Variants in MPZL1 observed in about 807,000 individuals in gnomAD.
MPZL1 encodes the protein myelin protein zero like 1, also known as myelin protein zero-like protein 1.
In MPZL1, 16 loss-of-function variants were observed where a neutral mutation model predicts 29.3. That is an observed-to-expected ratio of 0.55 (90% confidence interval 0.37 to 0.83). MPZL1 has a LOEUF of 0.83. MPZL1 is among the 40% of genes least tolerant of loss of function. MPZL1 has a pLI of 0.00. For synonymous variants in MPZL1, 143 were observed against 132.0 expected (o/e 1.08, Z -0.57); for missense variants, 279 against 332.9 (o/e 0.84, Z 1.26).
intron 1 of MPZL1, among the ~76,000 whole-genome samples, chr1:167,724,111 A>T (rs914685068): frequency 6.6e-5 from 10 of 152,136 alleles, no homozygotes; most frequent in African/African-American, 2.4e-4. Flanking sequence ...ACATTGGTAA[A>T]GATGTACTGT....
intron 2 of MPZL1, among the ~76,000 whole-genome samples, chr1:167,771,757 T>G (rs920433009): frequency 1.3e-5 from 2 of 152,076 alleles, no homozygotes; most frequent in Non-Finnish European, 1.5e-5. Context: ...CTTAGTACTT[T>G]GGGAGACCAA....
chr1:167,747,472 G>C (rs1660669980), intron 1 of MPZL1, among the ~76,000 whole-genome samples: 1 of 152,126 alleles, frequency 6.6e-6, no homozygotes, highest in South Asian at 2.1e-4. Flanking sequence ...TGATCCTCCT[G>C]CCTCAGCCTC....
At chr1:167,764,258 T>C (rs1320879751) in intron 1 of MPZL1, among the ~76,000 whole-genome samples, 1 of 152,234 alleles carries the variant, frequency 6.6e-6, no homozygotes, top group African/African-American at 2.4e-5. Flanking sequence ...TTAGCAATCT[T>C]TAAGAATTTG....
intron 1 of MPZL1, among the ~76,000 whole-genome samples, chr1:167,740,360 C>T (rs181516062): frequency 1.6e-4 from 24 of 152,320 alleles, no homozygotes; most frequent in South Asian, 1.0e-3. Context: ...GCTGCCTCTG[C>T]CACTCCATTG....
chr1:167,767,854 ATTTTGTTTTGTTTTG>A (rs61669633), intron 2 of MPZL1, among the ~76,000 whole-genome samples: 2,472 of 117,106 alleles, frequency 0.021, 33 homozygotes, highest in African/African-American at 0.029. Context: ...TTTTGTAATC[ATTTTGTTTTGTTTTG>A]TTTTGTTTTG....
intron 1 of MPZL1, among the ~76,000 whole-genome samples, chr1:167,733,103 GT>G (rs1279410877): frequency 6.6e-6 from 1 of 152,170 alleles, no homozygotes; most frequent in African/African-American, 2.4e-5. Flanking sequence ...GAACTTTTCT[GT>G]TTATATAGAT....
rs145740028 is a variant in MPZL1, at chr1:167,769,422, G to A, written c.259-2853G>A. Among the ~76,000 whole-genome samples, 745 of 152,336 alleles carry A rather than the reference G, an allele frequency of 4.9e-3. 9 individuals are homozygous for A. Among genetic ancestry groups the A allele is most frequent in the Middle Eastern group, 0.017 (5 of 294 alleles). ...CTTGTAAGAGAATAGTGTTCCCTGA[G>A]CTTGGGGTTCCTCGGCTGTGATGCA... On this transcript the variant is annotated intron_variant, in intron 2 of 5. Coordinates refer to ENST00000359523, the MANE Select transcript of MPZL1 (RefSeq NM_003953.6).
chr1:167,731,384 C>G (rs1490420652), intron 1 of MPZL1, among the ~76,000 whole-genome samples: 4 of 151,440 alleles, frequency 2.6e-5, no homozygotes, highest in African/African-American at 9.7e-5. Flanking sequence ...TTGCAGTAAG[C>G]CGAGATTGTG....
intron 1 of MPZL1, among the ~76,000 whole-genome samples, chr1:167,748,431 T>G (rs73037855): frequency 0.03 from 4,606 of 152,292 alleles, 227 homozygotes; most frequent in African/African-American, 0.1. Flanking sequence ...ATTGGCTATG[T>G]ATGTCTTTGG....
At chr1:167,763,340 A>AC (rs1408597978) in intron 1 of MPZL1, among the ~76,000 whole-genome samples, 3 of 151,844 alleles carry the variant, frequency 2.0e-5, no homozygotes, top group Non-Finnish European at 2.9e-5. Flanking sequence ...ACATGGTGAA[A>AC]CCCCGTCTCT....
At chr1:167,739,323 T>TATATACATACATACA (rs1437358979) in intron 1 of MPZL1, among the ~76,000 whole-genome samples, 2 of 93,398 alleles carry the variant, frequency 2.1e-5, no homozygotes, top group Non-Finnish European at 4.3e-5. Context: ...ATATATATAT[T>TATATACATACATACA]TATGTTTATT....
intron 5 of MPZL1, among the ~76,000 whole-genome samples, chr1:167,786,121 T>C (rs1057343442): frequency 6.6e-6 from 1 of 152,184 alleles, no homozygotes; most frequent in Non-Finnish European, 1.5e-5. Flanking sequence ...TTCCTTTTGT[T>C]TTTTGGTGGG....
At chr1:167,767,690 T>C (rs1299537231) in intron 2 of MPZL1, among the ~76,000 whole-genome samples, 1 of 152,016 alleles carries the variant, frequency 6.6e-6, no homozygotes, top group African/African-American at 2.4e-5. Context: ...AAACCCAGTA[T>C]ATTCAAAAGC....
chr1:167,764,538 T>C (rs1661067765), intron 1 of MPZL1, among the ~76,000 whole-genome samples: 1 of 152,228 alleles, frequency 6.6e-6, no homozygotes, highest in African/African-American at 2.4e-5. Flanking sequence ...TTAAGTTCTT[T>C]ATAAGAAAAG....
chr1:167,739,289 A>ATATATATATATATATG (rs1660459937), intron 1 of MPZL1, among the ~76,000 whole-genome samples: 2 of 110,538 alleles, frequency 1.8e-5, no homozygotes, highest in African/African-American at 1.1e-4. Context: ...ATACATATAT[A>ATATATATATATATATG]TATATATATA....
rs1477829095 is a variant in MPZL1, at chr1:167,765,712, G to A, written c.221G>A (p.Trp74Ter). 6.2e-7 allele frequency: 1 copy of A among 1,611,740 alleles called. No individual in the cohort carries two copies. Among genetic ancestry groups the A allele is most frequent in the African/African-American group, 1.3e-5 (1 of 74,820 alleles). Residue 74 changes from tryptophan to a stop codon, truncating the protein, a stop_gained, in exon 2 of 6, where the codon TGG becomes TAG. Coordinates refer to ENST00000359523, the MANE Select transcript of MPZL1 (RefSeq NM_003953.6). LOFTEE classifies it high-confidence loss of function. The stretch of plus-strand genomic sequence containing the variant: ...ACTGGCGGGTTGACCTCAGTCTCCT[G>A]GAGCTTCCAGCCAGAGGGGGCCGAC... ...STTGGLTSVSWSFQPEGADTT... is the reference protein window; with the variant it reads ...STTGGLTSVS
intron 5 of MPZL1, among the ~76,000 whole-genome samples, chr1:167,783,773 C>T (rs926732113): frequency 6.6e-6 from 1 of 152,052 alleles, no homozygotes; most frequent in Non-Finnish European, 1.5e-5. Context: ...CTTTGATAAT[C>T]AGTATTTGTC....
intron 1 of MPZL1, among the ~76,000 whole-genome samples, chr1:167,727,042 G>A (rs1479924373): frequency 6.6e-6 from 1 of 152,084 alleles, no homozygotes; most frequent in Non-Finnish European, 1.5e-5. Flanking sequence ...AAAATTTGCA[G>A]CAAATTTTTG....
intron 1 of MPZL1, among the ~76,000 whole-genome samples, chr1:167,732,920 C>T (rs1273501639): frequency 1.3e-5 from 2 of 152,218 alleles, no homozygotes; most frequent in African/African-American, 2.4e-5. Flanking sequence ...GTGTGCTTTC[C>T]ACTTAAGAGC....
Sources: allele counts gnomAD v4.1 joint callset (sites outside exome capture counted in the v4.1 genomes callset), GRCh38; gene constraint gnomAD v4.1.1; transcripts MANE v1.5; gene names NCBI Gene and HGNC (gene_info 2026-07-23, HGNC 2026-07-21).